FREM3: variants seen among roughly 807,000 people sequenced by gnomAD.
FREM3 encodes FRAS1-related extracellular matrix protein 3.
In FREM3, 105 loss-of-function variants were observed where a neutral mutation model predicts 129.1. That is an observed-to-expected ratio of 0.81 (90% CI 0.69 to 0.96). The LOEUF (loss-of-function observed/expected upper bound fraction) is 0.96, where lower values mean the gene tolerates loss of function less well. Ranked by LOEUF, FREM3 falls within the 40% of genes least tolerant of loss-of-function variation. FREM3 has a pLI of 0.00. For synonymous variants in FREM3, 1,014 were observed against 1,044.9 expected (o/e 0.97, Z 0.57); for missense variants, 2,593 against 2,666.3 (o/e 0.97, Z 0.61).
chr4:143,674,629 G>A (rs1740071299), intron 2 of FREM3, among the ~76,000 whole-genome samples: 2 of 152,170 alleles, frequency 1.3e-5, no homozygotes, highest in Admixed American at 1.3e-4. Context: ...CCATCAGTGT[G>A]CTGTTTTCAG....
At chr4:143,693,073 G>A (rs534565210) in intron 2 of FREM3, 40 bp downstream of exon 2, 1 of 1,074,884 alleles carries the variant, frequency 9.3e-7, no homozygotes, top group Non-Finnish European at 1.3e-6. Flanking sequence ...GTTGATTTTA[G>A]TTAACCATGA....
At position 143,699,562 on chromosome 4, in the gene FREM3, GC is replaced by G. The variant is rs1740652409; in HGVS notation, c.1113del (p.Leu372PhefsTer11). 6.5e-7 allele frequency: 1 copy of G among 1,536,638 alleles called. No homozygotes were observed. The highest frequency in any genetic ancestry group is 1.2e-5 in the South Asian group (1 of 84,032). Reference sequence around the variant, plus strand: ...TGCTGGGTGAAGAAGGAGACTGGAAGCCCTAGAGGGTCGTCGGTGCTGACCA... The same window carrying G: ...TGCTGGGTGAAGAAGGAGACTGGAAGCCTAGAGGGTCGTCGGTGCTGACCA... ...GYVVSTDDPL[G>X]LPVSFFTQQE... On this transcript the variant is annotated frameshift_variant, in exon 1 of 8. Coordinates refer to ENST00000329798, the MANE Select transcript of FREM3 (RefSeq NM_001168235.2). LOFTEE classifies it high-confidence loss of function. This position sits in a 1 kb window ranked among gnomAD's most constrained non-coding sequence, Gnocchi z 4.2.
intron 2 of FREM3, among the ~76,000 whole-genome samples, chr4:143,642,885 T>C (rs1476846907): frequency 1.3e-5 from 2 of 152,086 alleles, no homozygotes; most frequent in Non-Finnish European, 2.9e-5. Flanking sequence ...GGAGTTAATA[T>C]ATGAATATAT....
intron 6 of FREM3, among the ~76,000 whole-genome samples, chr4:143,588,142 C>T (rs531820104): frequency 2.6e-5 from 4 of 152,188 alleles, no homozygotes; most frequent in Non-Finnish European, 4.4e-5. Context: ...TGGCACACAT[C>T]ATACTGCCCA....
chr4:143,649,851 A>G (rs1319527068), intron 2 of FREM3, among the ~76,000 whole-genome samples: 1 of 152,194 alleles, frequency 6.6e-6, no homozygotes, highest in African/African-American at 2.4e-5. Flanking sequence ...CTCTGAATGA[A>G]TGTTTCAGGA....
At chr4:143,615,893 T>C (rs1174414505) in intron 5 of FREM3, among the ~76,000 whole-genome samples, 1 of 152,070 alleles carries the variant, frequency 6.6e-6, no homozygotes, top group Admixed American at 6.6e-5. Flanking sequence ...AGACAGGCCT[T>C]GGGCAAGGGC....
At chr4:143,627,892 G>T in intron 2 of FREM3, 132 bp from the exon 3 acceptor site, 1 of 639,350 alleles carries the variant, frequency 1.6e-6, no homozygotes, top group Admixed American at 3.1e-5. Context: ...TTATTTTTTT[G>T]GTAGAGAGAG....
intron 2 of FREM3, among the ~76,000 whole-genome samples, chr4:143,678,819 G>A (rs1740196556): frequency 6.6e-6 from 1 of 151,910 alleles, no homozygotes; most frequent in Non-Finnish European, 1.5e-5. Context: ...AAAAGAATAA[G>A]GCAGCTTAGG....
Position 143,698,188 on chromosome 4 carries a change from G to A in FREM3, c.2488C>T (p.Pro830Ser). 2 of 1,537,400 alleles carry A rather than the reference G, an allele frequency of 1.3e-6. No homozygotes were observed. Among genetic ancestry groups the A allele is most frequent in the South Asian group, 2.4e-5 (2 of 84,054 alleles). Residue 830 changes from proline to serine, a missense_variant, in exon 1 of 8, where the codon CCA becomes TCA. By Grantham distance (74) the Pro-to-Ser change is moderately conservative. Coordinates refer to ENST00000329798, the MANE Select transcript of FREM3 (RefSeq NM_001168235.2). The stretch of plus-strand genomic sequence containing the variant: ...GCAAAGCCTCTGTTGGTGACTTCTG[G>A]GGGCTGGTTGTCCACAGGTTGCAGG... ...LFLQPVDNQPPEVTNRGFAIL... is the reference protein window; with the variant it reads ...LFLQPVDNQPSEVTNRGFAIL...
At chr4:143,654,722 C>T (rs1257457602) in intron 2 of FREM3, among the ~76,000 whole-genome samples, 1 of 152,220 alleles carries the variant, frequency 6.6e-6, no homozygotes, top group Non-Finnish European at 1.5e-5. Flanking sequence ...AAGGCAATGA[C>T]ATCTACTAAT....
chr4:143,595,987 T>C (rs868482046), intron 6 of FREM3, among the ~76,000 whole-genome samples: 10 of 149,766 alleles, frequency 6.7e-5, no homozygotes, highest in Admixed American at 2.7e-4. Context: ...AATTGACCAA[T>C]GAGAGAGGTG....
chr4:143,590,699 CT>C (rs995575429), intron 6 of FREM3, among the ~76,000 whole-genome samples: 4 of 152,040 alleles, frequency 2.6e-5, no homozygotes, highest in African/African-American at 4.8e-5. Flanking sequence ...CTAAAATTCT[CT>C]TTTTTTGCTG....
chr4:143,578,134 T>A (rs767050308), intron 7 of FREM3, among the ~76,000 whole-genome samples: 33 of 152,374 alleles, frequency 2.2e-4, no homozygotes, highest in Non-Finnish European at 4.0e-4. Flanking sequence ...TTCTGCCAAA[T>A]TATTGAAGGA....
intron 6 of FREM3, among the ~76,000 whole-genome samples, chr4:143,595,883 A>G (rs907047284): frequency 2.0e-5 from 3 of 149,984 alleles, no homozygotes; most frequent in African/African-American, 4.9e-5. Flanking sequence ...GCGAGACGCC[A>G]TCTCAGAAAA....
Position 143,696,567 on chromosome 4 carries a change from G to T in FREM3, c.4109C>A (p.Thr1370Asn). The change falls in exon 1 of 8, where the codon ACT becomes AAT. Residue 1370 changes from threonine (T) to asparagine (N), a missense_variant. Thr to Asn is a moderately conservative substitution (Grantham distance 65). This residue lies in a region of FREM3 where 2,276 missense variants were observed against 2,267.2 expected (regional missense o/e 1.00). Coordinates refer to ENST00000329798, the MANE Select transcript of FREM3 (RefSeq NM_001168235.2). ...KPRGEVRNNLTLGMNFTQDEI... is the reference protein window; with the variant it reads ...KPRGEVRNNLNLGMNFTQDEI... Reference sequence around the variant, plus strand: ...ATCCTGGGTAAAGTTCATTCCCAGAGTAAGATTGTTCCTCACTTCTCCTCT... The same window carrying T: ...ATCCTGGGTAAAGTTCATTCCCAGATTAAGATTGTTCCTCACTTCTCCTCT... 1 of 1,537,468 alleles carries T rather than the reference G, an allele frequency of 6.5e-7. No individual in the cohort carries two copies. The highest frequency in any genetic ancestry group is 8.7e-7 in the Non-Finnish European group (1 of 1,146,968).
intron 2 of FREM3, among the ~76,000 whole-genome samples, chr4:143,678,575 C>A (rs79654870): frequency 0.014 from 2,161 of 151,346 alleles, 57 homozygotes; most frequent in African/African-American, 0.05. Flanking sequence ...GAAGAAAAAG[C>A]CTGTGTTTGA....
intron 2 of FREM3, among the ~76,000 whole-genome samples, chr4:143,691,055 A>T (rs1010569968): frequency 6.6e-6 from 1 of 152,230 alleles, no homozygotes. Flanking sequence ...ATGATTTTTT[A>T]AAATTCCAGT....
intron 2 of FREM3, among the ~76,000 whole-genome samples, chr4:143,645,645 T>C (rs1268106966): frequency 1.3e-5 from 2 of 152,214 alleles, no homozygotes; most frequent in Non-Finnish European, 2.9e-5. Context: ...GACTGTAACA[T>C]CAACTCTTAA....
chr4:143,651,999 A>C (rs1343788261), intron 2 of FREM3, among the ~76,000 whole-genome samples: 1 of 152,196 alleles, frequency 6.6e-6, no homozygotes, highest in African/African-American at 2.4e-5. Flanking sequence ...GTATTTCTGC[A>C]CAAGTCCCTA....
Sources: allele counts gnomAD v4.1 joint callset (sites outside exome capture counted in the v4.1 genomes callset), GRCh38; gene constraint gnomAD v4.1.1; regional missense constraint gnomAD v4.1.1; non-coding constraint Gnocchi (gnomAD v3.1); transcripts MANE v1.5; gene names NCBI Gene and HGNC (gene_info 2026-07-23, HGNC 2026-07-21).